Variants in TRIM44 observed in about 807,000 individuals in gnomAD.
TRIM44 encodes tripartite motif-containing protein 44.
A neutral mutation model predicts 37.4 loss-of-function variants in TRIM44; 13 were observed. The ratio of observed to expected loss-of-function variants is 0.35; its 90% CI spans 0.23 to 0.55. TRIM44 has a LOEUF of 0.55. TRIM44 is among the 20% of genes least tolerant of loss of function. TRIM44 has a pLI of 0.89. For synonymous variants in TRIM44, 175 were observed against 157.2 expected, an observed-to-expected ratio of 1.11 and a Z score of -0.85; for missense variants, 426 against 437.2, an observed-to-expected ratio of 0.97 and a Z score of 0.23.
intron 4 of TRIM44, among the ~76,000 whole-genome samples, chr11:35,787,539 G>A (rs943295044): frequency 5.3e-5 from 8 of 152,082 alleles, no homozygotes; most frequent in African/African-American, 1.9e-4. Flanking sequence ...TCTTCACCAA[G>A]GAGGTGATTG....
chr11:35,802,869 C>G (rs138447813), intron 4 of TRIM44, among the ~76,000 whole-genome samples: 1 of 152,154 alleles, frequency 6.6e-6, no homozygotes, highest in African/African-American at 2.4e-5. Flanking sequence ...CTGTTGCTCT[C>G]CAGATATTTG....
At chr11:35,665,280 A>G (rs1224125601) in intron 1 of TRIM44, among the ~76,000 whole-genome samples, 2 of 152,088 alleles carry the variant, frequency 1.3e-5, no homozygotes, top group African/African-American at 2.4e-5. Context: ...GAGGCTATGC[A>G]TATCTTCAGT....
intron 2 of TRIM44, among the ~76,000 whole-genome samples, chr11:35,705,455 A>G (rs565728754): frequency 6.4e-4 from 97 of 152,360 alleles, no homozygotes; most frequent in Non-Finnish European, 1.1e-3. Flanking sequence ...TCAACAGAAT[A>G]TACATTCTTT....
Position 35,806,578 on chromosome 11 carries a change from C to A in TRIM44, c.*193C>A. 3.3e-6 allele frequency: 2 copies of A among 599,766 alleles called. No individual in the cohort carries two copies. The highest frequency in any genetic ancestry group is 4.5e-5 in the South Asian group (2 of 44,224). 37.2% of individuals were successfully genotyped at this position (599,766 alleles called of 1,614,324 possible). A position where few individuals can be genotyped will look rare whatever the true frequency, so the allele number is the denominator to read the frequency against. On this transcript the variant is annotated 3_prime_UTR_variant, in exon 5 of 5. Transcript: ENST00000299413. Reference sequence around the variant, plus strand: ...TTTATGCTTACTGTGTGCTTCTCATCCCCTGGTTGTGGTAGGTCAAGGAAA... The same window carrying A: ...TTTATGCTTACTGTGTGCTTCTCATACCCTGGTTGTGGTAGGTCAAGGAAA...
At chr11:35,791,719 A>G (rs1853213140) in intron 4 of TRIM44, among the ~76,000 whole-genome samples, 2 of 152,122 alleles carry the variant, frequency 1.3e-5, no homozygotes, top group Admixed American at 1.3e-4. Flanking sequence ...AGAAAATACC[A>G]ATCCATCTGT....
intron 4 of TRIM44, among the ~76,000 whole-genome samples, chr11:35,787,273 G>GC (rs1005684650): frequency 6.6e-6 from 1 of 152,154 alleles, no homozygotes; most frequent in African/African-American, 2.4e-5. Context: ...AGCGTGTCTG[G>GC]AAGTATAATC....
At chr11:35,724,283 G>A (rs1852142541) in intron 2 of TRIM44, 1 of 152,246 alleles carries the variant, frequency 6.6e-6, no homozygotes, top group African/African-American at 2.4e-5. Flanking sequence ...GGTTTTCCCA[G>A]TTTGACTTCC....
chr11:35,742,651 A>ATT (rs1260245973), intron 4 of TRIM44, among the ~76,000 whole-genome samples: 12 of 131,638 alleles, frequency 9.1e-5, no homozygotes, highest in African/African-American at 2.4e-4. Flanking sequence ...TATTAATTGT[A>ATT]TTATATATAA....
intron 3 of TRIM44, among the ~76,000 whole-genome samples, chr11:35,730,933 A>G (rs1229199898): frequency 2.0e-5 from 3 of 147,052 alleles, no homozygotes; most frequent in African/African-American, 7.6e-5. Context: ...CACTGCAGAT[A>G]TTAGCCTTAT....
intron 1 of TRIM44, among the ~76,000 whole-genome samples, chr11:35,669,621 G>C (rs947732080): frequency 6.6e-6 from 1 of 151,674 alleles, no homozygotes; most frequent in African/African-American, 2.4e-5. Context: ...AACTGCAGGC[G>C]CCCACCACCA....
At chr11:35,799,576 A>G (rs1355772104) in intron 4 of TRIM44, among the ~76,000 whole-genome samples, 1 of 152,218 alleles carries the variant, frequency 6.6e-6, no homozygotes, top group Non-Finnish European at 1.5e-5. Context: ...TTCAGAAAAG[A>G]CAGGCTCATC....
intron 2 of TRIM44, among the ~76,000 whole-genome samples, chr11:35,697,636 A>T (rs935232316): frequency 1.3e-5 from 2 of 151,108 alleles, no homozygotes; most frequent in African/African-American, 2.4e-5. Context: ...CCAGAGTGTG[A>T]TGTTCCCCTT....
intron 4 of TRIM44, among the ~76,000 whole-genome samples, chr11:35,777,216 T>C (rs1363746947): frequency 6.6e-6 from 1 of 152,248 alleles, no homozygotes; most frequent in Non-Finnish European, 1.5e-5. Flanking sequence ...GTAGTGGCCT[T>C]CTTTGTCTCT....
chr11:35,789,938 A>G (rs1390316922), intron 4 of TRIM44, among the ~76,000 whole-genome samples: 2 of 152,210 alleles, frequency 1.3e-5, no homozygotes, highest in Non-Finnish European at 2.9e-5. Flanking sequence ...TTTCTAAGCC[A>G]TAAACAGGTT....
At chr11:35,670,633 A>G (rs549624938) in intron 1 of TRIM44, among the ~76,000 whole-genome samples, 21 of 152,342 alleles carry the variant, frequency 1.4e-4, no homozygotes, top group African/African-American at 4.1e-4. Context: ...GTGTCATTCA[A>G]TTCTTAATTT....
intron 4 of TRIM44, among the ~76,000 whole-genome samples, chr11:35,742,464 A>G (rs1208059917): frequency 7.4e-6 from 1 of 134,674 alleles, no homozygotes; most frequent in South Asian, 2.2e-4. Flanking sequence ...ATTAATTACA[A>G]TTAATATAAT....
rs1853529672 is a variant in TRIM44 at position 35,811,771 on chromosome 11, TAA to T, written c.*5388_*5389del. 1.3e-5 allele frequency: 2 copies of T among 152,208 alleles called. No individual in the cohort carries two copies. Among genetic ancestry groups the T allele is most frequent in the South Asian group, 4.1e-4 (2 of 4,824 alleles). The allele number at this position is 152,208 out of a possible 1,614,324, so 9.4% of individuals were successfully genotyped here. ...GAGGGACAGTTTGTGGACTCTCCTC[TAA>T]ATTTTCTTTTAACACATTTATCTTC... On this transcript the variant is annotated 3_prime_UTR_variant, in exon 5 of 5. Transcript: ENST00000299413.
At chr11:35,677,595 A>G (rs1164024804) in intron 1 of TRIM44, among the ~76,000 whole-genome samples, 4 of 152,144 alleles carry the variant, frequency 2.6e-5, no homozygotes, top group Non-Finnish European at 4.4e-5. Flanking sequence ...TGTTTACCAC[A>G]ATTCTTTGAG....
chr11:35,752,028 T>G (rs1852564738), intron 4 of TRIM44, among the ~76,000 whole-genome samples: 1 of 152,232 alleles, frequency 6.6e-6, no homozygotes, highest in African/African-American at 2.4e-5. Context: ...TCCTAGCTAC[T>G]TTTGTTCAAA....
Sources: allele counts gnomAD v4.1 joint callset (sites outside exome capture counted in the v4.1 genomes callset), GRCh38; gene constraint gnomAD v4.1.1; transcripts MANE v1.5; gene names NCBI Gene and HGNC (gene_info 2026-07-23, HGNC 2026-07-21).